The following ORC6 variants were observed in gnomAD, a reference collection of about 807,000 sequenced individuals.
ORC6 encodes origin recognition complex subunit 6, also known as origin recognition complex, subunit 6 homolog-like (yeast).
In ORC6, 31 loss-of-function variants were observed where a neutral mutation model predicts 30.0. The ratio of observed to expected loss-of-function variants is 1.03; its 90% CI spans 0.78 to 1.40. ORC6 has a LOEUF of 1.40. Ranked by LOEUF, ORC6 falls within the 40% of genes most tolerant of loss-of-function variation. ORC6 has a pLI of 0.00. For synonymous variants in ORC6, 136 were observed against 111.2 expected, an observed-to-expected ratio of 1.22 and a Z score of -1.40; for missense variants, 340 against 304.3, an observed-to-expected ratio of 1.12 and a Z score of -0.87.
chr16:46,696,941 C>A (rs1173415894), intron 6 of ORC6, among the ~76,000 whole-genome samples: 1 of 152,202 alleles, frequency 6.6e-6, no homozygotes. Flanking sequence ...AGGCATGAGC[C>A]ACTATGCCCA....
At chr16:46,691,226 C>G in intron 2 of ORC6, 106 bp downstream of exon 2, 1 of 1,033,274 alleles carries the variant, frequency 9.7e-7, no homozygotes, top group Non-Finnish European at 1.5e-6. Flanking sequence ...TAGAATTGTC[C>G]TGGGTATTCT....
In ORC6 at chr16:46,698,281, T is replaced by C; in HGVS notation, c.*696T>C. On this transcript the variant is annotated 3_prime_UTR_variant, in exon 7 of 7. Coordinates refer to ENST00000219097, the MANE Select transcript of ORC6 (RefSeq NM_014321.4). ...CCTTGTCTTATTCAGAATATAAAATTCAGTCTGAATGGCATCTTACAGATT... is the reference window on the plus strand; with the variant it reads ...CCTTGTCTTATTCAGAATATAAAATCCAGTCTGAATGGCATCTTACAGATT... 2.2e-6 allele frequency: 1 copy of C among 454,710 alleles called. No homozygotes were observed. Among genetic ancestry groups the C allele is most frequent in the Non-Finnish European group, 4.4e-6 (1 of 226,330 alleles). The allele number at this position is 454,710 out of a possible 1,614,324, so 28.2% of individuals were successfully genotyped here.
chr16:46,693,253 T>A, intron 4 of ORC6, 71 bp downstream of exon 4: 2 of 898,430 alleles, frequency 2.2e-6, no homozygotes, highest in South Asian at 1.3e-5. Flanking sequence ...AAGGAATACT[T>A]CTAACTTAGT....
intron 6 of ORC6, 76 bp from the exon 7 acceptor site, chr16:46,697,382 T>TA (rs1371370177): frequency 1.1e-5 from 14 of 1,331,248 alleles, no homozygotes; most frequent in African/African-American, 1.5e-5. Context: ...TTAGACAATT[T>TA]AAACAAGTTT....
At chr16:46,694,101 C>T (rs1256525032) in intron 4 of ORC6, 1 of 39,674 alleles carries the variant, frequency 2.5e-5, no homozygotes, top group Non-Finnish European at 5.2e-5. Flanking sequence ...TTTAACAAAG[C>T]ACATCTTGCA....
At chr16:46,695,445 A>G (rs1443513818) in intron 4 of ORC6, 117 bp from the exon 5 acceptor site, 45 of 702,486 alleles carry the variant, frequency 6.4e-5, no homozygotes, top group Admixed American at 1.7e-4. Context: ...TGAAGGAAAA[A>G]AACTAGACAG....
At chr16:46,690,043 G>A (rs974722195) in intron 1 of ORC6, among the ~76,000 whole-genome samples, 8 of 152,244 alleles carry the variant, frequency 5.3e-5, no homozygotes, top group Non-Finnish European at 8.8e-5. Flanking sequence ...AGAACTTTCC[G>A]TTCATTCCGC....
chr16:46,698,184 G>GATAGATAGATAGATAC lies in ORC6; in HGVS notation c.*614_*615insCATAGATAGATAGATA. 1 of 331,216 alleles carries GATAGATAGATAGATAC rather than the reference G, an allele frequency of 3.0e-6. No individual in the cohort carries two copies. Among genetic ancestry groups the GATAGATAGATAGATAC allele is most frequent in the Non-Finnish European group, 5.8e-6 (1 of 173,386 alleles). The allele number at this position is 331,216 out of a possible 1,614,324, so 20.5% of individuals were successfully genotyped here. A position where few individuals can be genotyped will look rare whatever the true frequency, so the allele number is the denominator to read the frequency against. ...TTATAGATAGATAGATAGATAGATG[G>GATAGATAGATAGATAC]ATAGATAGATAGATAGATAGATAGA... On this transcript the variant is annotated 3_prime_UTR_variant, in exon 7 of 7. Transcript: ENST00000219097.
intron 3 of ORC6, 53 bp downstream of exon 3, chr16:46,692,598 G>GA: frequency 6.6e-7 from 1 of 1,514,624 alleles, no homozygotes; most frequent in Non-Finnish European, 9.1e-7. Context: ...GGCCGGGCGT[G>GA]GTGGCTCACG....
In ORC6 at chr16:46,695,607, C is replaced by T. The variant is rs756053608; in HGVS notation, c.495C>T (p.Ser165=). 25 of 1,613,378 alleles carry T rather than the reference C, an allele frequency of 1.5e-5. No homozygotes were observed. In the Middle Eastern group the frequency reaches 4.9e-4, roughly 32 times the overall value. The part of the protein sequence containing the change: ...KVDKNKMVAT[S]GVKKAIFDRL... ...ATAAAAACAAAATGGTAGCCACATC[C>T]GGTGTAAAAAAAGCTATATTTGATC... The change falls in exon 5 of 7, where the codon TCC becomes TCT. Residue 165 remains serine, a synonymous_variant. Coordinates refer to ENST00000219097, the MANE Select transcript of ORC6 (RefSeq NM_014321.4).
At position 46,697,662 on chromosome 16, in the gene ORC6, T is replaced by C; in HGVS notation, c.*77T>C. ...CCAGGAAGACTTGACGGCTTTGGGATTTTGTTTAAACTTTTATAATAAGGA... is the reference window on the plus strand; with the variant it reads ...CCAGGAAGACTTGACGGCTTTGGGACTTTGTTTAAACTTTTATAATAAGGA... On this transcript the variant is annotated 3_prime_UTR_variant, in exon 7 of 7. Transcript: ENST00000219097. 1 of 1,483,726 alleles carries C rather than the reference T, an allele frequency of 6.7e-7. No homozygotes were observed. Among genetic ancestry groups the C allele is most frequent in the Non-Finnish European group, 9.4e-7 (1 of 1,062,160 alleles). 91.9% of individuals were successfully genotyped at this position (1,483,726 alleles called of 1,614,324 possible).
In ORC6 at chr16:46,689,685, G is replaced by A. The variant is rs750140520; in HGVS notation, c.-21G>A. On this transcript the variant is annotated 5_prime_UTR_variant, in exon 1 of 7. Transcript: ENST00000219097. ...TTGACCCGCGGCGTTCACGGGAATT[G>A]TTCGCTTTAGTGCCGGCGCCATGGG... 38 of 1,595,196 alleles carry A rather than the reference G, an allele frequency of 2.4e-5. No individual in the cohort carries two copies. Among genetic ancestry groups the A allele is most frequent in the Non-Finnish European group, 3.0e-5 (35 of 1,170,596 alleles).
At position 46,692,538 on chromosome 16, in the gene ORC6, C is replaced by A; in HGVS notation, c.352C>A (p.Leu118Ile). 1.2e-6 allele frequency: 2 copies of A among 1,613,052 alleles called. No individual in the cohort carries two copies. The highest frequency in any genetic ancestry group is 1.7e-6 in the Non-Finnish European group (2 of 1,179,170). Reference protein sequence around the residue: ...IEAVNMASKILKSYESSLPQT... With the variant: ...IEAVNMASKIIKSYESSLPQT... ...AGCAGTGAACATGGCTTCAAAGATA[C>A]TAAAAAGGTATGGGGCATAGAGAAC... Residue 118 changes from leucine to isoleucine, a missense_variant, in exon 3 of 7, where the codon CTA (leucine) becomes ATA (isoleucine). Leu to Ile is a conservative substitution (Grantham distance 5, BLOSUM62 2). Coordinates refer to ENST00000219097, the MANE Select transcript of ORC6 (RefSeq NM_014321.4).
intron 1 of ORC6, 25 bp downstream of exon 1, chr16:46,689,795 G>A: frequency 6.4e-7 from 1 of 1,571,852 alleles, no homozygotes; most frequent in Non-Finnish European, 8.6e-7. Context: ...GCAAGACCAG[G>A]GCTGGGCTTC....
rs1966402664 is a variant in ORC6, at chr16:46,689,729, C to T, written c.24C>T (p.Arg8=). The change falls in exon 1 of 7, where the codon CGC becomes CGT. Residue 8 remains arginine, a synonymous_variant. Coordinates refer to ENST00000219097, the MANE Select transcript of ORC6 (RefSeq NM_014321.4). ...CCATGGGGTCGGAGCTGATCGGGCG[C>T]CTAGCCCCGCGCCTGGGCCTCGCCG... MGSELIG[R]LAPRLGLAEP... 1 of 1,602,510 alleles carries T rather than the reference C, an allele frequency of 6.2e-7. No individual in the cohort carries two copies. The highest frequency in any genetic ancestry group is 2.2e-5 in the East Asian group (1 of 44,504).
chr16:46,698,148 C>T lies in ORC6; in HGVS notation c.*563C>T, dbSNP rs765618323. 5 of 399,716 alleles carry T rather than the reference C, an allele frequency of 1.3e-5. No homozygotes were observed. The highest frequency in any genetic ancestry group is 2.6e-5 in the Non-Finnish European group (5 of 193,666). The allele number at this position is 399,716 out of a possible 1,614,324, so 24.8% of individuals were successfully genotyped here. On this transcript the variant is annotated 3_prime_UTR_variant, in exon 7 of 7. Coordinates refer to ENST00000219097, the MANE Select transcript of ORC6 (RefSeq NM_014321.4). ...TAGATAGATACTCCAGCCTGGGTGACAGAGCGAGACTTATAGATAGATAGA... is the reference window on the plus strand; with the variant it reads ...TAGATAGATACTCCAGCCTGGGTGATAGAGCGAGACTTATAGATAGATAGA...
chr16:46,695,956 C>T (rs570758770), intron 5 of ORC6, 61 bp from the exon 6 acceptor site: 2 of 1,216,064 alleles, frequency 1.6e-6, no homozygotes, highest in Admixed American at 1.7e-5. Context: ...TGATCCAAAA[C>T]ATGCCCAAAT....
At chr16:46,696,160 C>G in intron 6 of ORC6, 75 bp downstream of exon 6, 1 of 1,012,434 alleles carries the variant, frequency 9.9e-7, no homozygotes, top group African/African-American at 1.6e-5. Context: ...AGCAGCTTGC[C>G]TGACAGGAGT....
Position 46,689,691 on chromosome 16 carries a change from T to C in ORC6, c.-15T>C. 6.3e-7 allele frequency: 1 copy of C among 1,597,492 alleles called. No individual in the cohort carries two copies. The highest frequency in any genetic ancestry group is 8.5e-7 in the Non-Finnish European group (1 of 1,171,792). On this transcript the variant is annotated 5_prime_UTR_variant, in exon 1 of 7. Coordinates refer to ENST00000219097, the MANE Select transcript of ORC6 (RefSeq NM_014321.4). ...CGCGGCGTTCACGGGAATTGTTCGC[T>C]TTAGTGCCGGCGCCATGGGGTCGGA...
Sources: allele counts gnomAD v4.1 joint callset (sites outside exome capture counted in the v4.1 genomes callset), GRCh38; gene constraint gnomAD v4.1.1; transcripts MANE v1.5; gene names NCBI Gene and HGNC (gene_info 2026-07-23, HGNC 2026-07-21).